Variants in FABP6 observed in about 807,000 individuals in gnomAD.
FABP6 encodes the protein gastrotropin.
A neutral mutation model predicts 14.9 loss-of-function variants in FABP6; 13 were observed. The ratio of observed to expected loss-of-function variants is 0.87; its 90% CI spans 0.57 to 1.39. The LOEUF (loss-of-function observed/expected upper bound fraction) is 1.39. FABP6 is among the 40% of genes most tolerant of loss of function. FABP6 has a pLI of 0.00. For synonymous variants in FABP6, 75 were observed against 63.6 expected (o/e 1.18, Z -0.85); for missense variants, 161 against 167.2 (o/e 0.96, Z 0.20).
intron 2 of FABP6, among the ~76,000 whole-genome samples, chr5:160,200,870 G>A (rs903092171): frequency 1.3e-5 from 2 of 152,118 alleles, no homozygotes; most frequent in Admixed American, 6.5e-5. Flanking sequence ...AGGGGAAGGT[G>A]GCCTTAGCAT....
chr5:160,231,406 G>A (rs921108842), intron 1 of FABP6, among the ~76,000 whole-genome samples: 1 of 152,160 alleles, frequency 6.6e-6, no homozygotes, highest in African/African-American at 2.4e-5. Flanking sequence ...CTCTGGCAGG[G>A]AGGAGGGGAC....
At position 160,231,924 on chromosome 5, in the gene FABP6, G is replaced by C. The variant is rs1476965010; in HGVS notation, c.68-174G>C. ...CTCAGAGAGATAGGGACTTTCCCCA[G>C]CCACATGGCTCACAGCACGTATTAG... On this transcript the variant is annotated intron_variant, in intron 1 of 3. Coordinates refer to ENST00000402432, the MANE Select transcript of FABP6 (RefSeq NM_001445.3). 4.6e-6 allele frequency: 3 copies of C among 645,238 alleles called. No homozygotes were observed. The East Asian group carries it at 8.7e-5, about 19-fold the overall frequency. 40.0% of individuals were successfully genotyped at this position (645,238 alleles called of 1,614,324 possible). A position where few individuals can be genotyped will look rare whatever the true frequency, so the allele number is the denominator to read the frequency against.
chr5:160,229,903 T>A (rs888466078), intron 1 of FABP6, among the ~76,000 whole-genome samples: 1 of 150,690 alleles, frequency 6.6e-6, no homozygotes, highest in Non-Finnish European at 1.5e-5. Flanking sequence ...AGACAGAGTC[T>A]CACTCTGTCT....
At chr5:160,236,799 C>T (rs1002235650) in intron 3 of FABP6, among the ~76,000 whole-genome samples, 1 of 149,488 alleles carries the variant, frequency 6.7e-6, no homozygotes, top group Non-Finnish European at 1.5e-5. Context: ...TGGTGAAACC[C>T]GGTCTCTACT....
chr5:160,206,220 A>G (rs555862653), intron 2 of FABP6, among the ~76,000 whole-genome samples: 1 of 152,320 alleles, frequency 6.6e-6, no homozygotes, highest in South Asian at 2.1e-4. Flanking sequence ...TCATGAGGTC[A>G]GGAGTTTGAG....
chr5:160,211,983 C>CTT (rs70990712), intron 2 of FABP6, among the ~76,000 whole-genome samples: 1,060 of 102,956 alleles, frequency 0.01, 23 homozygotes, highest in African/African-American at 0.038. Flanking sequence ...TATGCAAGTT[C>CTT]TTTTTTTTTT....
At position 160,195,283 on chromosome 5, in the gene FABP6, CAAAAAAAAAAA is replaced by C. The variant is rs57229719; in HGVS notation, c.-58-3748_-58-3738del. 3.5e-3 allele frequency among the ~76,000 whole-genome samples: 223 copies of C among 63,608 alleles called. 1 individual carries two copies. The highest frequency in any genetic ancestry group is 0.028 in the South Asian group (34 of 1,208). 41.7% of individuals were successfully genotyped at this position (63,608 alleles called of 152,430 possible). ...TGGGCAACAGAGCGAGACTCTGTCT[CAAAAAAAAAAA>C]AAAAAAAAAAAAAAAAAGACTCTCC... On this transcript the variant is annotated intron_variant, in intron 1 of 6. Coordinates refer to the FABP6 transcript ENST00000393980.
chr5:160,220,251 A>G (rs1760102576), intron 3 of FABP6, among the ~76,000 whole-genome samples: 1 of 152,178 alleles, frequency 6.6e-6, no homozygotes, highest in Non-Finnish European at 1.5e-5. Flanking sequence ...TGTACTAAGC[A>G]CTTTTGCTAT....
At chr5:160,199,308 C>G (rs1270142120) in intron 2 of FABP6, 4 of 743,934 alleles carry the variant, frequency 5.4e-6, no homozygotes, top group Non-Finnish European at 9.2e-6. Flanking sequence ...CCTTTTCCTC[C>G]TTTCAGCTGT....
At chr5:160,217,046 A>T (rs1285558649) in intron 3 of FABP6, among the ~76,000 whole-genome samples, 1 of 152,340 alleles carries the variant, frequency 6.6e-6, no homozygotes, top group East Asian at 1.9e-4. Flanking sequence ...GGGTAATATC[A>T]GGACTGACAT....
chr5:160,232,408 T>C, intron 2 of FABP6, 135 bp downstream of exon 2: 2 of 876,274 alleles, frequency 2.3e-6, no homozygotes, highest in Non-Finnish European at 1.7e-6. Flanking sequence ...TTGAGTTACT[T>C]GGCAATTTAA....
intron 3 of FABP6, among the ~76,000 whole-genome samples, chr5:160,219,461 G>A (rs918479): frequency 0.61 from 93,412 of 152,032 alleles, 28,929 homozygotes; most frequent in African/African-American, 0.65. Context: ...TCACCCCTCC[G>A]GGGAGGTTCT....
intron 2 of FABP6, among the ~76,000 whole-genome samples, chr5:160,212,847 C>T (rs1438171204): frequency 6.6e-6 from 1 of 152,044 alleles, no homozygotes; most frequent in Admixed American, 6.5e-5. Flanking sequence ...GAACTGCTGA[C>T]CTCAAGTGAT....
Position 160,216,857 on chromosome 5 carries a change from A to C in FABP6, c.135+3038A>C, listed in dbSNP as rs968571247. 3.9e-5 allele frequency among the ~76,000 whole-genome samples: 6 copies of C among 152,144 alleles called. No homozygotes were observed. In the East Asian group the frequency reaches 7.7e-4, roughly 20 times the overall value. On this transcript the variant is annotated intron_variant, in intron 3 of 6. Coordinates refer to the FABP6 transcript ENST00000393980. ...GTTGTCTGGTGCTTTGGGGTCATTC[A>C]CTAAGTACCAAAGGAGCAATCAGTC...
intron 3 of FABP6, among the ~76,000 whole-genome samples, chr5:160,219,445 G>A (rs553667694): frequency 6.6e-6 from 1 of 152,208 alleles, no homozygotes; most frequent in Non-Finnish European, 1.5e-5. Context: ...GGCAGTTTGA[G>A]TTCATTCACC....
chr5:160,234,717 G>A (rs1760469023), intron 2 of FABP6, 103 bp from the exon 3 acceptor site: 13 of 808,562 alleles, frequency 1.6e-5, no homozygotes, highest in South Asian at 1.3e-4. Flanking sequence ...ATAAGCCACC[G>A]TGCCTGGCCT....
intron 2 of FABP6, among the ~76,000 whole-genome samples, chr5:160,207,302 T>C (rs1759788731): frequency 6.6e-6 from 1 of 152,218 alleles, no homozygotes; most frequent in Non-Finnish European, 1.5e-5. Context: ...GCCTGCATCT[T>C]CCATCCATCA....
intron 2 of FABP6, among the ~76,000 whole-genome samples, chr5:160,202,592 C>T (rs1433439165): frequency 3.3e-5 from 5 of 152,108 alleles, no homozygotes; most frequent in Non-Finnish European, 7.4e-5. Context: ...GTCAGGAGAT[C>T]GAGACCATTC....
Position 160,234,814 on chromosome 5 carries a change from T to C in FABP6, c.244-6T>C. ...ACCCAGGCTTAATGTTGTGCTTCCA[T>C]TCCAGGCCACTGTGCAGATGGAGGG... On this transcript the variant is annotated splice_polypyrimidine_tract_variant and splice_region_variant and intron_variant, in intron 2 of 3. Transcript: ENST00000402432. The C allele has an allele frequency of 6.2e-7, 1 of 1,602,450 alleles. No individual in the cohort carries two copies. Among genetic ancestry groups the C allele is most frequent in the Non-Finnish European group, 8.5e-7 (1 of 1,173,572 alleles).
Sources: gnomAD v4.1 joint callset for allele counts (sites outside exome capture counted in the v4.1 genomes callset) on GRCh38, gnomAD v4.1.1 for gene constraint, MANE v1.5 for transcripts, NCBI Gene and HGNC (gene_info 2026-07-23, HGNC 2026-07-21) for gene names.